Variants in KCNIP4 observed in about 807,000 individuals in gnomAD.
The protein encoded by KCNIP4 is Kv channel-interacting protein 4.
A neutral mutation model predicts 34.0 loss-of-function variants in KCNIP4; 12 were observed. That is an observed-to-expected ratio of 0.35 (90% CI 0.23 to 0.57). The LOEUF (loss-of-function observed/expected upper bound fraction) is 0.57. Among genes scored for constraint, KCNIP4 ranks in the 20% least tolerant of loss-of-function variants. The pLI is 0.83. For missense variants in KCNIP4, 238 were observed against 311.7 expected, an observed-to-expected ratio of 0.76 and a Z score of 1.78; for synonymous variants, 124 against 102.2, an observed-to-expected ratio of 1.21 and a Z score of -1.29.
At chr4:21,474,468 C>T (rs941273357) in intron 1 of KCNIP4, among the ~76,000 whole-genome samples, 2 of 152,118 alleles carry the variant, frequency 1.3e-5, no homozygotes, top group Non-Finnish European at 2.9e-5. Context: ...CTTACTTTAT[C>T]GGACATTCTT....
At chr4:21,633,377 G>A in intron 1 of KCNIP4, among the ~76,000 whole-genome samples, 1 of 152,100 alleles carries the variant, frequency 6.6e-6, no homozygotes, top group East Asian at 1.9e-4. Flanking sequence ...TGGGATGTTA[G>A]TGAATATAAT....
At chr4:21,569,058 T>C (rs1740145329) in intron 1 of KCNIP4, among the ~76,000 whole-genome samples, 1 of 151,772 alleles carries the variant, frequency 6.6e-6, no homozygotes, top group Admixed American at 6.6e-5. Flanking sequence ...GCTGATGCCT[T>C]GATCTCAGAT....
intron 1 of KCNIP4, among the ~76,000 whole-genome samples, chr4:21,749,740 C>T (rs1400497108): frequency 6.6e-6 from 1 of 152,108 alleles, no homozygotes; most frequent in Non-Finnish European, 1.5e-5. Flanking sequence ...TTCACTCTTC[C>T]ACATCTTTGG....
At chr4:21,421,672 G>A (rs895730025) in intron 1 of KCNIP4, among the ~76,000 whole-genome samples, 1 of 152,018 alleles carries the variant, frequency 6.6e-6, no homozygotes, top group African/African-American at 2.4e-5. Context: ...AGATAAATAA[G>A]TTCTGAATAT....
chr4:20,796,118 C>A (rs570880243), intron 3 of KCNIP4, among the ~76,000 whole-genome samples: 2 of 152,080 alleles, frequency 1.3e-5, no homozygotes, highest in African/African-American at 4.8e-5. Context: ...GAAAATGTGT[C>A]GGATGTTTTC....
intron 1 of KCNIP4, among the ~76,000 whole-genome samples, chr4:21,089,523 C>T (rs1177572938): frequency 6.6e-6 from 1 of 152,054 alleles, no homozygotes; most frequent in Non-Finnish European, 1.5e-5. Context: ...TCAATGGTAA[C>T]GTGTCATTAT....
chr4:21,860,257 C>G (rs896443487), intron 1 of KCNIP4, among the ~76,000 whole-genome samples: 11 of 152,196 alleles, frequency 7.2e-5, no homozygotes, highest in Middle Eastern at 3.4e-3. Context: ...CCTCAGCCTC[C>G]CAAGTAGCTG....
chr4:21,865,080 T>C (rs1725335566), intron 1 of KCNIP4, among the ~76,000 whole-genome samples: 1 of 151,284 alleles, frequency 6.6e-6, no homozygotes, highest in Non-Finnish European at 1.5e-5. Context: ...ATATTGCCTC[T>C]CTTTTTTTTT....
intron 1 of KCNIP4, among the ~76,000 whole-genome samples, chr4:21,070,628 A>G (rs745642705): frequency 4.9e-4 from 34 of 69,954 alleles, no homozygotes; most frequent in Non-Finnish European, 9.6e-4. Flanking sequence ...CTCATTTTCT[A>G]TTTGAATTGT....
chr4:21,003,351 A>C (rs1168293756), intron 1 of KCNIP4, among the ~76,000 whole-genome samples: 1 of 152,214 alleles, frequency 6.6e-6, no homozygotes, highest in Non-Finnish European at 1.5e-5. Flanking sequence ...AGCAGACCTC[A>C]TTTCTGTGAA....
At chr4:21,613,018 T>C (rs770077133) in intron 1 of KCNIP4, among the ~76,000 whole-genome samples, 4 of 152,200 alleles carry the variant, frequency 2.6e-5, no homozygotes, top group Non-Finnish European at 5.9e-5. Context: ...GCCCTGTTCA[T>C]ATTCTGAGAC....
chr4:21,570,073 C>A lies in KCNIP4; in HGVS notation c.61+378498G>T, dbSNP rs1435705940. 3.3e-5 allele frequency among the ~76,000 whole-genome samples: 5 copies of A among 152,068 alleles called. No individual in the cohort carries two copies. In the South Asian group the frequency reaches 8.3e-4, roughly 25 times the overall value. ...TGTCTGCCTCAAATGGAGAGGGAGA[C>A]CCAACCTGGAAGTCAGAAAAGAATC... is the stretch of plus-strand genomic sequence containing the variant. On this transcript the variant is annotated intron_variant, in intron 1 of 8. Coordinates refer to ENST00000382152, the MANE Select transcript of KCNIP4 (RefSeq NM_025221.6).
chr4:21,042,796 C>A (rs1742080360), intron 1 of KCNIP4, among the ~76,000 whole-genome samples: 1 of 151,932 alleles, frequency 6.6e-6, no homozygotes, highest in Non-Finnish European at 1.5e-5. Context: ...TAAGTATGTA[C>A]AATTATTATG....
intron 1 of KCNIP4, among the ~76,000 whole-genome samples, chr4:21,863,699 G>GA (rs1725245495): frequency 6.6e-6 from 1 of 151,898 alleles, no homozygotes; most frequent in Admixed American, 6.6e-5. Context: ...GTAGAAAGGA[G>GA]AAAAAAGGGA....
intron 1 of KCNIP4, among the ~76,000 whole-genome samples, chr4:21,734,239 C>T (rs997304054): frequency 4.6e-5 from 7 of 152,106 alleles, no homozygotes; most frequent in African/African-American, 1.7e-4. Flanking sequence ...TCACTTGGTG[C>T]ACTCTTATTC....
chr4:21,495,034 T>G (rs892858162), intron 1 of KCNIP4, among the ~76,000 whole-genome samples: 2 of 152,112 alleles, frequency 1.3e-5, no homozygotes, highest in Non-Finnish European at 2.9e-5. Flanking sequence ...TACAGCAAGT[T>G]GTAAATATTC....
chr4:21,189,406 G>A (rs1274403887), intron 1 of KCNIP4, among the ~76,000 whole-genome samples: 3 of 152,168 alleles, frequency 2.0e-5, no homozygotes, highest in South Asian at 2.1e-4. Flanking sequence ...TAATATTAAA[G>A]GCATTTGTAT....
At chr4:21,758,398 C>T (rs1359437208) in intron 1 of KCNIP4, among the ~76,000 whole-genome samples, 1 of 152,058 alleles carries the variant, frequency 6.6e-6, no homozygotes, top group Admixed American at 6.6e-5. Context: ...ACAGGGTGAC[C>T]CCCACATGTC....
rs1454663639 is a variant in KCNIP4 at position 20,736,153 on chromosome 4, T to A, written c.430-1418A>T. 3.3e-5 allele frequency among the ~76,000 whole-genome samples: 5 copies of A among 152,238 alleles called. No homozygotes were observed. In the East Asian group the frequency reaches 9.6e-4, roughly 29 times the overall value. On this transcript the variant is annotated intron_variant, in intron 5 of 8. Coordinates refer to ENST00000382152, the MANE Select transcript of KCNIP4 (RefSeq NM_025221.6). The stretch of plus-strand genomic sequence containing the variant: ...TCCTTTCACTCATAGACTACTGGCA[T>A]AAATAGTTTGTATTTACTTCCAAGG...
Sources: allele counts gnomAD v4.1 joint callset (sites outside exome capture counted in the v4.1 genomes callset), GRCh38; gene constraint gnomAD v4.1.1; transcripts MANE v1.5; gene names NCBI Gene and HGNC (gene_info 2026-07-23, HGNC 2026-07-21).